Variants in SH3PXD2A observed in about 807,000 individuals in gnomAD.
The protein encoded by SH3PXD2A is SH3 and PX domains 2A, also known as SH3 and PX domain-containing protein 2A.
Under a neutral mutation model 115.2 loss-of-function variants are expected in SH3PXD2A, and 32 were observed. That is an observed-to-expected ratio of 0.28 (90% CI 0.21 to 0.37). The LOEUF (loss-of-function observed/expected upper bound fraction) is 0.37, where lower values mean the gene tolerates loss of function less well. SH3PXD2A is among the 10% of genes least tolerant of loss of function. The probability of loss-of-function intolerance (pLI) is 1.00; values close to 1 mark genes in which losing one functional copy is unlikely to be tolerated. For synonymous variants in SH3PXD2A, 610 were observed against 629.1 expected, an observed-to-expected ratio of 0.97 and a Z score of 0.45; for missense variants, 1,328 against 1,498.7, an observed-to-expected ratio of 0.89 and a Z score of 1.88.
intron 11 of SH3PXD2A, 118 bp from the exon 12 acceptor site, chr10:103,613,308 G>C (rs2036458908): frequency 1.3e-6 from 1 of 748,516 alleles, no homozygotes; most frequent in African/African-American, 1.8e-5. Flanking sequence ...GTTCTGCAAG[G>C]CTTGGCAATC....
At chr10:103,836,806 T>G (rs1418812994) in intron 1 of SH3PXD2A, among the ~76,000 whole-genome samples, 1 of 152,194 alleles carries the variant, frequency 6.6e-6, no homozygotes, top group Admixed American at 6.5e-5. Flanking sequence ...GAAGCTTTCA[T>G]GTTCATAATG....
At chr10:103,653,472 C>T (rs926051055) in intron 8 of SH3PXD2A, among the ~76,000 whole-genome samples, 1 of 152,204 alleles carries the variant, frequency 6.6e-6, no homozygotes, top group African/African-American at 2.4e-5. Context: ...CATGCCACAC[C>T]GAGGCCACCA....
At chr10:103,708,493 A>AT (rs2038008418) in intron 5 of SH3PXD2A, among the ~76,000 whole-genome samples, 2 of 152,138 alleles carry the variant, frequency 1.3e-5, no homozygotes, top group South Asian at 4.1e-4. Context: ...CCCTCCGGCT[A>AT]TGTCTGGGGA....
intron 8 of SH3PXD2A, among the ~76,000 whole-genome samples, chr10:103,658,654 C>T (rs536659293): frequency 6.6e-6 from 1 of 152,322 alleles, no homozygotes; most frequent in African/African-American, 2.4e-5. Context: ...CACAGCACTG[C>T]AGGTCCTGTG....
intron 2 of SH3PXD2A, among the ~76,000 whole-genome samples, chr10:103,794,174 C>T (rs7081295): frequency 0.052 from 7,968 of 152,066 alleles, 611 homozygotes; most frequent in East Asian, 0.29. Context: ...GAGTGTGACC[C>T]CAGGGTGGGG....
rs938030149 is a variant in SH3PXD2A, at chr10:103,666,833, C to T, written c.472+1775G>A. On this transcript the variant is annotated intron_variant, in intron 7 of 14. Coordinates refer to ENST00000369774, the MANE Select transcript of SH3PXD2A (RefSeq NM_001394015.1). This position sits in a 1 kb window ranked among gnomAD's most constrained non-coding sequence, Gnocchi z 4.5. ...GGAGCAGCAAAGCTGTTGGTTCCTTCGTGGGCTCACCAGCAGGCAGCTCGG... is the reference window on the plus strand; with the variant it reads ...GGAGCAGCAAAGCTGTTGGTTCCTTTGTGGGCTCACCAGCAGGCAGCTCGG... Among the ~76,000 whole-genome samples the T allele has an allele frequency of 1.3e-5, 2 of 152,192 alleles. No individual in the cohort carries two copies. The highest frequency in any genetic ancestry group is 4.8e-5 in the African/African-American group (2 of 41,442).
chr10:103,674,504 C>A lies in SH3PXD2A; in HGVS notation c.428-5852G>T, dbSNP rs546473822. Reference sequence around the variant, plus strand: ...CTGGGAAAAACACGGATGGCCAATTCGTAATTCTTTAAAAGTCTTAAAAAA... The same window carrying A: ...CTGGGAAAAACACGGATGGCCAATTAGTAATTCTTTAAAAGTCTTAAAAAA... On this transcript the variant is annotated intron_variant, in intron 6 of 14. Coordinates refer to ENST00000369774, the MANE Select transcript of SH3PXD2A (RefSeq NM_001394015.1). Among the ~76,000 whole-genome samples, 46 of 152,266 alleles carry A rather than the reference C, an allele frequency of 3.0e-4. 1 individual carries two copies. The highest frequency in any genetic ancestry group is 5.2e-4 in the Admixed American group (8 of 15,284).
intron 12 of SH3PXD2A, among the ~76,000 whole-genome samples, chr10:103,611,994 A>G (rs1592261970): frequency 6.6e-6 from 1 of 152,344 alleles, no homozygotes; most frequent in East Asian, 1.9e-4. Context: ...AAATCCATAG[A>G]AGCTAGCATA....
At position 103,670,557 on chromosome 10, in the gene SH3PXD2A, C is replaced by G. The variant is rs748898827; in HGVS notation, c.428-1905G>C. Among the ~76,000 whole-genome samples, 70 of 152,152 alleles carry G rather than the reference C, an allele frequency of 4.6e-4. 1 individual carries two copies. Among genetic ancestry groups the G allele is most frequent in the Non-Finnish European group, 1.6e-4 (11 of 68,034 alleles). On this transcript the variant is annotated intron_variant, in intron 6 of 14. Transcript: ENST00000369774. ...CCGGCCTGCAAGGACAAGAACTAGA[C>G]AGTGTTCAATACTGGATGCACCAAG...
At chr10:103,740,821 A>ACCCTTCCTTCCTTCCC (rs1385060167) in intron 3 of SH3PXD2A, among the ~76,000 whole-genome samples, 1 of 151,396 alleles carries the variant, frequency 6.6e-6, no homozygotes, top group Admixed American at 6.6e-5. Context: ...CCTTCCTTCC[A>ACCCTTCCTTCCTTCCC]CCCTTCCTTC....
At chr10:103,697,794 G>A (rs2037842584) in intron 5 of SH3PXD2A, among the ~76,000 whole-genome samples, 1 of 152,152 alleles carries the variant, frequency 6.6e-6, no homozygotes, top group African/African-American at 2.4e-5. Context: ...GGCTGGTGTT[G>A]GAGACTGCAC....
At chr10:103,798,524 T>C (rs1462875725) in intron 2 of SH3PXD2A, among the ~76,000 whole-genome samples, 3 of 152,104 alleles carry the variant, frequency 2.0e-5, no homozygotes, top group Non-Finnish European at 2.9e-5. Flanking sequence ...CCACTGCAAG[T>C]AAAATTGTAT....
At chr10:103,800,594 C>T (rs921424324) in intron 2 of SH3PXD2A, among the ~76,000 whole-genome samples, 1 of 152,222 alleles carries the variant, frequency 6.6e-6, no homozygotes, top group South Asian at 2.1e-4. Context: ...CCTGGTCCCT[C>T]CTTCCAATCA....
intron 2 of SH3PXD2A, among the ~76,000 whole-genome samples, 158 bp downstream of exon 2, chr10:103,801,124 C>A (rs1015246038): frequency 2.6e-5 from 4 of 152,208 alleles, no homozygotes; most frequent in African/African-American, 9.6e-5. Context: ...TTGAGACGAG[C>A]CCAGCTCCAC....
At chr10:103,751,788 G>A (rs1286320595) in intron 3 of SH3PXD2A, among the ~76,000 whole-genome samples, 3 of 152,158 alleles carry the variant, frequency 2.0e-5, no homozygotes, top group South Asian at 2.1e-4. Flanking sequence ...CGTTTCTAGA[G>A]TCCAGAAAGA....
At position 103,746,551 on chromosome 10, in the gene SH3PXD2A, G is replaced by C. The variant is rs1420457678; in HGVS notation, c.230-10743C>G. On this transcript the variant is annotated intron_variant, in intron 3 of 14. Coordinates refer to ENST00000369774, the MANE Select transcript of SH3PXD2A (RefSeq NM_001394015.1). This position sits in a 1 kb window ranked among gnomAD's most constrained non-coding sequence, Gnocchi z 4.4. The stretch of plus-strand genomic sequence containing the variant: ...AGCCCAGGCTGGTTTTAAACTCCTG[G>C]GCTCAAGCGATCCTCCCAGAGTACT... 6.6e-6 allele frequency among the ~76,000 whole-genome samples: 1 copy of C among 152,064 alleles called. No individual in the cohort carries two copies. Among genetic ancestry groups the C allele is most frequent in the Non-Finnish European group, 1.5e-5 (1 of 68,012 alleles).
chr10:103,671,169 A>C lies in SH3PXD2A; in HGVS notation c.428-2517T>G, dbSNP rs367790668. ...TTGCCTGGGCCTGGAGAACCCAAGA[A>C]GACCTGCTTTGCTGGACAGGTGCTT... On this transcript the variant is annotated intron_variant, in intron 6 of 14. Coordinates refer to ENST00000369774, the MANE Select transcript of SH3PXD2A (RefSeq NM_001394015.1). Among the ~76,000 whole-genome samples the C allele has an allele frequency of 5.3e-5, 8 of 152,228 alleles. No individual in the cohort carries two copies. In the East Asian group the frequency reaches 9.6e-4, roughly 18 times the overall value.
chr10:103,789,293 G>C (rs2039011019), intron 2 of SH3PXD2A, among the ~76,000 whole-genome samples: 1 of 152,166 alleles, frequency 6.6e-6, no homozygotes, highest in Non-Finnish European at 1.5e-5. Flanking sequence ...TCTACATCCT[G>C]GGCTGCCCAC....
rs1307431687 is a variant in SH3PXD2A, at chr10:103,599,727, A to G, written c.*2089T>C. The stretch of plus-strand genomic sequence containing the variant: ...CATTATTGTTCAAATAAGTACAAAT[A>G]ATATTAACATGAAGACACTAAACCA... On this transcript the variant is annotated 3_prime_UTR_variant, in exon 15 of 15. Coordinates refer to ENST00000369774, the MANE Select transcript of SH3PXD2A (RefSeq NM_001394015.1). 2.0e-5 allele frequency: 3 copies of G among 152,678 alleles called. No homozygotes were observed. Among genetic ancestry groups the G allele is most frequent in the Non-Finnish European group, 4.4e-5 (3 of 68,052 alleles). The allele number at this position is 152,678 out of a possible 1,614,324, so 9.5% of individuals were successfully genotyped here.
Sources: allele counts gnomAD v4.1 joint callset (sites outside exome capture counted in the v4.1 genomes callset), GRCh38; gene constraint gnomAD v4.1.1; non-coding constraint Gnocchi (gnomAD v3.1); transcripts MANE v1.5; gene names NCBI Gene and HGNC (gene_info 2026-07-23, HGNC 2026-07-21).